The following ZNF85 variants were observed in gnomAD, a reference collection of about 807,000 sequenced individuals.
ZNF85 encodes zinc finger protein 85, also known as zinc finger protein 85 (HPF4, HTF1).
Under a neutral mutation model 53.9 loss-of-function variants are expected in ZNF85, and 50 were observed. That is an observed-to-expected ratio of 0.93 (90% CI 0.74 to 1.17). ZNF85 has a LOEUF of 1.17. ZNF85 is among the 50% of genes most tolerant of loss of function. ZNF85 has a pLI of 0.00. For missense variants in ZNF85, 747 were observed against 688.5 expected (o/e 1.08, Z -0.95); for synonymous variants, 225 against 226.1 (o/e 1.00, Z 0.04).
intron 1 of ZNF85, 148 bp downstream of exon 1, chr19:20,923,551 A>C: frequency 7.3e-7 from 1 of 1,365,378 alleles, no homozygotes; most frequent in Non-Finnish European, 1.0e-6. Context: ...CAGTTCCTCC[A>C]GCCATAAGAT....
At chr19:20,924,102 G>C (rs1478145355) in intron 1 of ZNF85, among the ~76,000 whole-genome samples, 2 of 147,174 alleles carry the variant, frequency 1.4e-5, no homozygotes, top group Non-Finnish European at 3.0e-5. Flanking sequence ...AAAAAAAAAA[G>C]ATGTATAGGA....
At chr19:20,925,797 C>T (rs1039364814) in intron 1 of ZNF85, among the ~76,000 whole-genome samples, 4 of 152,214 alleles carry the variant, frequency 2.6e-5, no homozygotes, top group Non-Finnish European at 5.9e-5. Context: ...CTAATCAGCA[C>T]TGTCCCTCTG....
chr19:20,928,946 C>A (rs145974894), intron 1 of ZNF85, among the ~76,000 whole-genome samples: 199 of 152,178 alleles, frequency 1.3e-3, no homozygotes, highest in African/African-American at 4.4e-3. Context: ...AATTGTGTCA[C>A]GGGGGTTTGG....
intron 3 of ZNF85, among the ~76,000 whole-genome samples, 181 bp from the exon 4 acceptor site, chr19:20,948,563 A>C (rs915937636): frequency 2.0e-5 from 3 of 152,136 alleles, no homozygotes; most frequent in African/African-American, 7.2e-5. Flanking sequence ...AATTTTCCAC[A>C]AATGTATTTT....
At chr19:20,937,452 G>A (rs61385453) in intron 3 of ZNF85, 46,268 of 432,020 alleles carry the variant, frequency 0.11, 2,912 homozygotes, top group Middle Eastern at 0.17. Flanking sequence ...AGGCTGCTGG[G>A]TCTGCACTAG....
chr19:20,947,985 A>G (rs1973464387), intron 3 of ZNF85, among the ~76,000 whole-genome samples: 1 of 151,940 alleles, frequency 6.6e-6, no homozygotes, highest in African/African-American at 2.4e-5. Context: ...CAATATTTTT[A>G]TATGTTGTAA....
intron 3 of ZNF85, among the ~76,000 whole-genome samples, chr19:20,945,895 T>C (rs1000822494): frequency 1.2e-4 from 19 of 152,216 alleles, no homozygotes; most frequent in African/African-American, 4.6e-4. Context: ...TAATTATGGG[T>C]AAGTAAATGA....
chr19:20,938,927 A>C (rs1973229100), intron 3 of ZNF85, among the ~76,000 whole-genome samples: 2 of 151,652 alleles, frequency 1.3e-5, no homozygotes, highest in South Asian at 4.2e-4. Flanking sequence ...GTTTAAGGCT[A>C]TTTGCTTCTA....
At chr19:20,944,650 T>G (rs55873134) in intron 3 of ZNF85, among the ~76,000 whole-genome samples, 19 of 149,228 alleles carry the variant, frequency 1.3e-4, no homozygotes, top group African/African-American at 4.7e-4. Context: ...TTCTATGATT[T>G]TTTTTCATGA....
intron 1 of ZNF85, among the ~76,000 whole-genome samples, chr19:20,931,677 G>T (rs536974664): frequency 2.9e-5 from 4 of 137,170 alleles, no homozygotes; most frequent in South Asian, 2.2e-4. Context: ...GTGCAATCTC[G>T]GCTTACTGCA....
chr19:20,935,362 T>C (rs1973132794), intron 3 of ZNF85, among the ~76,000 whole-genome samples: 2 of 152,342 alleles, frequency 1.3e-5, no homozygotes, highest in African/African-American at 4.8e-5. Flanking sequence ...CACACAAATA[T>C]CTGCATAATT....
At chr19:20,925,872 T>TCTTCA (rs1972869554) in intron 1 of ZNF85, among the ~76,000 whole-genome samples, 1 of 152,254 alleles carries the variant, frequency 6.6e-6, no homozygotes, top group African/African-American at 2.4e-5. Context: ...AATTGTAAAT[T>TCTTCA]GCATTTGATT....
chr19:20,934,494 G>A (rs898979394), intron 2 of ZNF85, among the ~76,000 whole-genome samples: 2 of 152,156 alleles, frequency 1.3e-5, no homozygotes, highest in African/African-American at 2.4e-5. Flanking sequence ...ACTGGGCCAG[G>A]CTTGGTGGCT....
rs777411762 is a variant in ZNF85, at chr19:20,937,265, C to T, written c.229+2218C>T. On this transcript the variant is annotated intron_variant, in intron 3 of 3. Coordinates refer to ENST00000328178, the MANE Select transcript of ZNF85 (RefSeq NM_003429.5). ...CAGGCGAGTCTCAAACTCCTGACCT[C>T]GTGATCCACCCACCTCAGCCTCCCA... 4.4e-6 allele frequency: 2 copies of T among 450,954 alleles called. 1 individual carries two copies. The highest frequency in any genetic ancestry group is 3.1e-5 in the South Asian group (2 of 63,644). The allele number at this position is 450,954 out of a possible 1,614,324, so 27.9% of individuals were successfully genotyped here.
intron 1 of ZNF85, chr19:20,926,768 G>A (rs928583887): frequency 6.6e-6 from 1 of 152,040 alleles, no homozygotes; most frequent in African/African-American, 2.4e-5. Context: ...AAACTGGGAG[G>A]GTCTCACTGA....
At chr19:20,946,592 A>ACACACACACC (rs367859040) in intron 3 of ZNF85, among the ~76,000 whole-genome samples, 1,670 of 151,508 alleles carry the variant, frequency 0.011, 27 homozygotes, top group Middle Eastern at 0.062. Flanking sequence ...ACACACACAC[A>ACACACACACC]CCCCACAAAT....
chr19:20,943,166 T>C (rs1034826548), intron 3 of ZNF85: 1 of 289,348 alleles, frequency 3.5e-6, no homozygotes, highest in African/African-American at 2.2e-5. Flanking sequence ...TGCTTTTGAC[T>C]GAAAAGTTTT....
Position 20,949,320 on chromosome 19 carries a change from G to T in ZNF85, c.806G>T (p.Arg269Leu), listed in dbSNP as rs140775014. ...KCEECGKTFN[R>L]FSTLTTHKII... ...GAAGAATGTGGCAAAACTTTTAACCGATTCTCAACTCTTACTACCCATAAG... is the reference window on the plus strand; with the variant it reads ...GAAGAATGTGGCAAAACTTTTAACCTATTCTCAACTCTTACTACCCATAAG... The change falls in exon 4 of 4, where the codon CGA becomes CTA. Residue 269 changes from arginine to leucine, a missense_variant. Transcript: ENST00000328178. 2 of 1,601,606 alleles carry T rather than the reference G, an allele frequency of 1.2e-6. No individual in the cohort carries two copies. The highest frequency in any genetic ancestry group is 2.8e-5 in the African/African-American group (2 of 72,654).
In ZNF85 at chr19:20,949,198, A is replaced by T; in HGVS notation, c.684A>T (p.Lys228Asn). 6.2e-7 allele frequency: 1 copy of T among 1,613,344 alleles called. No individual in the cohort carries two copies. The highest frequency in any genetic ancestry group is 1.7e-5 in the Admixed American group (1 of 59,988). Residue 228 changes from lysine to asparagine, a missense_variant, in exon 4 of 4, where the codon AAA becomes AAT. Lys to Asn is a moderately conservative substitution (Grantham distance 94, BLOSUM62 0). Coordinates refer to ENST00000328178, the MANE Select transcript of ZNF85 (RefSeq NM_003429.5). Reference protein sequence around the residue: ...TKHKRIHTGEKPYKCEECGKA... With the variant: ...TKHKRIHTGENPYKCEECGKA... The stretch of plus-strand genomic sequence containing the variant: ...ATAAGAGAATTCATACGGGAGAGAA[A>T]CCTTACAAATGTGAAGAATGTGGTA...
Sources: allele counts gnomAD v4.1 joint callset (sites outside exome capture counted in the v4.1 genomes callset), GRCh38; gene constraint gnomAD v4.1.1; transcripts MANE v1.5; gene names NCBI Gene and HGNC (gene_info 2026-07-23, HGNC 2026-07-21).